Variants in CACNA2D3 observed in about 807,000 individuals in gnomAD.
The protein encoded by CACNA2D3 is voltage-dependent calcium channel subunit alpha-2/delta-3.
CACNA2D3 carries 60 observed loss-of-function variants against 160.6 expected under a neutral mutation model. The ratio of observed to expected loss-of-function variants is 0.37; its 90% CI spans 0.30 to 0.46. CACNA2D3 has a LOEUF of 0.46. Among genes scored for constraint, CACNA2D3 ranks in the 20% least tolerant of loss-of-function variants. The pLI, the probability that CACNA2D3 is intolerant of heterozygous loss-of-function variation, is 1.00. For synonymous variants in CACNA2D3, 558 were observed against 492.9 expected, an observed-to-expected ratio of 1.13 and a Z score of -1.75; for missense variants, 1,205 against 1,365.0, an observed-to-expected ratio of 0.88 and a Z score of 1.85.
intron 14 of CACNA2D3, among the ~76,000 whole-genome samples, chr3:54,822,750 C>CTT (rs1553874079): frequency 1.4e-5 from 1 of 71,186 alleles, no homozygotes; most frequent in Non-Finnish European, 2.7e-5. Context: ...TTCTTTCTTT[C>CTT]TTTCTTTCTT....
chr3:54,876,512 G>A (rs1196326239), intron 18 of CACNA2D3, among the ~76,000 whole-genome samples: 1 of 152,308 alleles, frequency 6.6e-6, no homozygotes, highest in East Asian at 1.9e-4. Flanking sequence ...CTATGACGTG[G>A]TCAATTGTTA....
In CACNA2D3 at chr3:55,073,568, G is replaced by T; in HGVS notation, c.3100+11G>T. 6.2e-7 allele frequency: 1 copy of T among 1,601,292 alleles called. No homozygotes were observed. The highest frequency in any genetic ancestry group is 8.6e-7 in the Non-Finnish European group (1 of 1,168,342). ...CCATTGAAATCAGGTATATCCTTTT[G>T]TGTGCAGGTCCACTCACTACCACGG... On this transcript the variant is annotated intron_variant, in intron 36 of 37. Transcript: ENST00000474759.
At chr3:54,308,937 G>A (rs1703669843) in intron 2 of CACNA2D3, among the ~76,000 whole-genome samples, 1 of 152,176 alleles carries the variant, frequency 6.6e-6, no homozygotes, top group Non-Finnish European at 1.5e-5. Flanking sequence ...TGCAGGCTTT[G>A]TACAATAACA....
intron 11 of CACNA2D3, among the ~76,000 whole-genome samples, chr3:54,653,663 G>C (rs1367803609): frequency 1.3e-5 from 2 of 152,206 alleles, no homozygotes; most frequent in African/African-American, 2.4e-5. Flanking sequence ...AGAAGAACAT[G>C]ACAAGACAAG....
At chr3:54,212,931 C>T (rs114012880) in intron 2 of CACNA2D3, among the ~76,000 whole-genome samples, 4 of 152,172 alleles carry the variant, frequency 2.6e-5, no homozygotes, top group Admixed American at 1.3e-4. Context: ...TGGAATGTGG[C>T]GAGCACATTC....
chr3:54,347,970 C>T (rs911642756), intron 3 of CACNA2D3, among the ~76,000 whole-genome samples: 11 of 151,916 alleles, frequency 7.2e-5, no homozygotes, highest in Admixed American at 6.6e-4. Flanking sequence ...CGAAGCAGGC[C>T]CATATACAGA....
chr3:54,927,572 T>G (rs1043106348), intron 27 of CACNA2D3, among the ~76,000 whole-genome samples: 2 of 152,168 alleles, frequency 1.3e-5, no homozygotes, highest in African/African-American at 4.8e-5. Context: ...TCTCTGAGAT[T>G]GTAGCCAATT....
In CACNA2D3 at chr3:54,787,695, A is replaced by G. The variant is rs764717434; in HGVS notation, c.1380+23344A>G. On this transcript the variant is annotated intron_variant, in intron 13 of 37. Coordinates refer to ENST00000474759, the MANE Select transcript of CACNA2D3 (RefSeq NM_018398.3). ...AGGTTTAGGCTTCTAGGGGTGGCAC[A>G]TTGTGGGAAGGTAAATAGGGAAGAC... Among the ~76,000 whole-genome samples the G allele has an allele frequency of 1.2e-4, 18 of 152,346 alleles. 1 individual carries two copies. The highest frequency in any genetic ancestry group is 8.5e-4 in the Admixed American group (13 of 15,288).
At chr3:54,505,328 G>A (rs962457866) in intron 5 of CACNA2D3, among the ~76,000 whole-genome samples, 1 of 152,200 alleles carries the variant, frequency 6.6e-6, no homozygotes, top group East Asian at 1.9e-4. Context: ...GACAGTGGGA[G>A]TGCCAAGGAT....
chr3:54,170,904 A>G (rs1346569682), intron 2 of CACNA2D3, among the ~76,000 whole-genome samples: 1 of 152,142 alleles, frequency 6.6e-6, no homozygotes, highest in African/African-American at 2.4e-5. Context: ...AAACTAAAAA[A>G]AAAATGACAG....
intron 13 of CACNA2D3, among the ~76,000 whole-genome samples, chr3:54,782,198 C>T (rs1297604259): frequency 6.6e-6 from 1 of 152,102 alleles, no homozygotes; most frequent in Non-Finnish European, 1.5e-5. Context: ...GGTCAATTGA[C>T]CATTTTTGAT....
At chr3:54,727,755 C>G (rs1055329704) in intron 11 of CACNA2D3, among the ~76,000 whole-genome samples, 13 of 152,094 alleles carry the variant, frequency 8.5e-5, no homozygotes, top group Non-Finnish European at 1.6e-4. Context: ...CAGGGCCTGT[C>G]AGTGGCTGGT....
intron 4 of CACNA2D3, among the ~76,000 whole-genome samples, chr3:54,489,115 G>GGAGGGCA (rs1701066104): frequency 6.6e-6 from 1 of 152,338 alleles, no homozygotes; most frequent in East Asian, 1.9e-4. Flanking sequence ...TGGCTGGCCA[G>GGAGGGCA]GAGGGCAGAG....
intron 3 of CACNA2D3, among the ~76,000 whole-genome samples, chr3:54,381,678 A>G (rs895732060): frequency 1.3e-5 from 2 of 152,180 alleles, no homozygotes; most frequent in African/African-American, 2.4e-5. Context: ...GCGGATATAC[A>G]TAGGGTCATT....
At chr3:54,587,915 A>G (rs1702790824) in intron 9 of CACNA2D3, among the ~76,000 whole-genome samples, 1 of 152,236 alleles carries the variant, frequency 6.6e-6, no homozygotes, top group South Asian at 2.1e-4. Context: ...AAGAATTAAT[A>G]TCAATTTTAC....
intron 27 of CACNA2D3, among the ~76,000 whole-genome samples, chr3:54,933,513 C>A (rs1701258306): frequency 6.6e-6 from 1 of 152,126 alleles, no homozygotes. Flanking sequence ...AATCACATGA[C>A]CATGTCTAAC....
chr3:54,913,858 T>C (rs1308593484), intron 27 of CACNA2D3, among the ~76,000 whole-genome samples: 2 of 152,186 alleles, frequency 1.3e-5, no homozygotes, highest in Non-Finnish European at 2.9e-5. Context: ...TCTTCGTATG[T>C]AATGTGGCAG....
chr3:54,137,619 T>A (rs1301532144), intron 2 of CACNA2D3, among the ~76,000 whole-genome samples: 1 of 152,214 alleles, frequency 6.6e-6, no homozygotes, highest in Non-Finnish European at 1.5e-5. Flanking sequence ...ACATGTTACA[T>A]TGCAACCCGT....
intron 35 of CACNA2D3, among the ~76,000 whole-genome samples, chr3:55,019,913 A>G (rs1335441972): frequency 1.3e-5 from 2 of 152,144 alleles, no homozygotes; most frequent in Non-Finnish European, 1.5e-5. Flanking sequence ...AAAATTTACC[A>G]TTTAACCATT....
Sources: allele counts gnomAD v4.1 joint callset (sites outside exome capture counted in the v4.1 genomes callset), GRCh38; gene constraint gnomAD v4.1.1; transcripts MANE v1.5; gene names NCBI Gene and HGNC (gene_info 2026-07-23, HGNC 2026-07-21).